PDIA6: variants seen among roughly 807,000 people sequenced by gnomAD.
The protein encoded by PDIA6 is protein disulfide isomerase family A member 6.
PDIA6 carries 29 observed loss-of-function variants against 58.4 expected under a neutral mutation model. The ratio of observed to expected loss-of-function variants is 0.50; its 90% CI spans 0.37 to 0.68. PDIA6 has a LOEUF of 0.68. Ranked by LOEUF, PDIA6 falls within the 30% of genes least tolerant of loss-of-function variation. PDIA6 has a pLI of 0.00. For missense variants in PDIA6, 480 were observed against 551.0 expected, an observed-to-expected ratio of 0.87 and a Z score of 1.29; for synonymous variants, 192 against 202.6, an observed-to-expected ratio of 0.95 and a Z score of 0.44.
upstream of PDIA6, among the ~76,000 whole-genome samples, chr2:10,817,145 C>T (rs1158121390): frequency 6.6e-6 from 1 of 152,186 alleles, no homozygotes; most frequent in African/African-American, 2.4e-5. Flanking sequence ...ACTCAGGAAG[C>T]TTGTATGGTT....
intron 2 of PDIA6, among the ~76,000 whole-genome samples, chr2:10,799,099 T>A (rs1666395332): frequency 3.3e-5 from 5 of 152,214 alleles, no homozygotes; most frequent in Admixed American, 2.0e-4. Flanking sequence ...TTGCAGGTAC[T>A]ATTATTGGGA....
At chr2:10,817,982 G>C (rs1026881169) in intron 2 of PDIA6, among the ~76,000 whole-genome samples, 1 of 151,926 alleles carries the variant, frequency 6.6e-6, no homozygotes, top group East Asian at 1.9e-4. Flanking sequence ...TCCGACAGGG[G>C]ACATGTACCT....
intron 1 of PDIA6, among the ~76,000 whole-genome samples, chr2:10,809,960 ATTT>A (rs1258737059): frequency 6.8e-6 from 1 of 146,494 alleles, no homozygotes; most frequent in Non-Finnish European, 1.5e-5. Flanking sequence ...AAATTCTTAT[ATTT>A]TCCTCCTCCC....
At chr2:10,816,867 G>C (rs149179494), upstream of PDIA6, among the ~76,000 whole-genome samples, 425 of 152,252 alleles carry the variant, frequency 2.8e-3, 1 homozygote, top group African/African-American at 9.8e-3. Context: ...GAGATGTCAT[G>C]TGGCCTGCCC....
At chr2:10,817,908 C>T (rs1667248268) in intron 2 of PDIA6, among the ~76,000 whole-genome samples, 1 of 152,146 alleles carries the variant, frequency 6.6e-6, no homozygotes, top group African/African-American at 2.4e-5. Context: ...TTGACTAATA[C>T]AGGGCTTAAT....
chr2:10,787,337 C>T lies in PDIA6; in HGVS notation c.1101G>A (p.Met367Ile), dbSNP rs372676531. The T allele has an allele frequency of 1.2e-6, 2 of 1,614,160 alleles. No individual in the cohort carries two copies. Among genetic ancestry groups the T allele is most frequent in the Non-Finnish European group, 1.7e-6 (2 of 1,180,036 alleles). Residue 367 changes from methionine (M) to isoleucine (I), a missense_variant, in exon 11 of 13, where the codon ATG becomes ATA. Coordinates refer to ENST00000272227, the MANE Select transcript of PDIA6 (RefSeq NM_005742.4). ...AGGAGCCTTTTAGCAGAGCAAATTT[C>T]ATCTTGCGTGCATTGATGGCGGCCA... ...PAMAAINARKMKFALLKGSFS... is the reference protein window; with the variant it reads ...PAMAAINARKIKFALLKGSFS...
upstream of PDIA6, among the ~76,000 whole-genome samples, chr2:10,813,151 C>A (rs541318303): frequency 1.3e-5 from 2 of 152,186 alleles, no homozygotes; most frequent in Non-Finnish European, 2.9e-5. Context: ...CCTCTTTATC[C>A]CGGGGGAGCG....
At chr2:10,834,724 T>TCCCTTCCC (rs1198670381), upstream of PDIA6, among the ~76,000 whole-genome samples, 29 of 16,700 alleles carry the variant, frequency 1.7e-3, 1 homozygote, top group African/African-American at 4.9e-3. Context: ...CCTCCCTCCC[T>TCCCTTCCC]TCCTTCCCTC....
chr2:10,832,339 A>T (rs1216869956), exon 1 of PDIA6: 2 of 818,728 alleles, frequency 2.4e-6, no homozygotes, highest in African/African-American at 3.7e-5. Context: ...ACACAGTGCA[A>T]TGCAGTGCAG....
At chr2:10,828,115 C>G (rs924677541) in intron 1 of PDIA6, among the ~76,000 whole-genome samples, 1 of 151,950 alleles carries the variant, frequency 6.6e-6, no homozygotes, top group African/African-American at 2.4e-5. Flanking sequence ...CCTCATTATC[C>G]CCCAGAGCCC....
rs538117349 is a variant in PDIA6 at position 10,793,337 on chromosome 2, A to C, written c.347-135T>G. On this transcript the variant is annotated intron_variant, in intron 4 of 12. Coordinates refer to ENST00000272227, the MANE Select transcript of PDIA6 (RefSeq NM_005742.4). Reference sequence around the variant, plus strand: ...CACAGTTCTGACACGTGTATCTCTGACAGAACACACTTTCTCCCCACAATG... The same window carrying C: ...CACAGTTCTGACACGTGTATCTCTGCCAGAACACACTTTCTCCCCACAATG... 3.6e-5 allele frequency: 22 copies of C among 616,006 alleles called. No homozygotes were observed. The East Asian group carries it at 5.8e-4, about 16-fold the overall frequency. The allele number at this position is 616,006 out of a possible 1,614,324, so 38.2% of individuals were successfully genotyped here. A position where few individuals can be genotyped will look rare whatever the true frequency, so the allele number is the denominator to read the frequency against.
At chr2:10,816,942 A>T (rs1465716922), upstream of PDIA6, among the ~76,000 whole-genome samples, 1 of 152,198 alleles carries the variant, frequency 6.6e-6, no homozygotes, top group Non-Finnish European at 1.5e-5. Context: ...CATTCAACTT[A>T]GTTAATGACA....
At chr2:10,830,218 C>G in intron 1 of PDIA6, among the ~76,000 whole-genome samples, 1 of 152,230 alleles carries the variant, frequency 6.6e-6, no homozygotes, top group Non-Finnish European at 1.5e-5. Context: ...GGGGCCAGGA[C>G]TGGGCTGTGT....
At chr2:10,834,879 G>A (rs1667796908), upstream of PDIA6, among the ~76,000 whole-genome samples, 1 of 151,928 alleles carries the variant, frequency 6.6e-6, no homozygotes, top group South Asian at 2.1e-4. Context: ...AGATTCTCTT[G>A]CCTCAGCCTC....
chr2:10,811,987 C>A (rs1301687107), intron 1 of PDIA6, among the ~76,000 whole-genome samples: 2 of 152,192 alleles, frequency 1.3e-5, no homozygotes, highest in Admixed American at 1.3e-4. Flanking sequence ...CGGCTCACTG[C>A]AACCTCCGCC....
chr2:10,801,801 T>C (rs1293871515), intron 2 of PDIA6, among the ~76,000 whole-genome samples: 2 of 152,236 alleles, frequency 1.3e-5, no homozygotes, highest in African/African-American at 4.8e-5. Flanking sequence ...CCCTAAAATG[T>C]ACCCATCAGG....
chr2:10,808,547 T>A (rs1194696012), intron 1 of PDIA6, among the ~76,000 whole-genome samples: 1 of 152,080 alleles, frequency 6.6e-6, no homozygotes, highest in Non-Finnish European at 1.5e-5. Context: ...AAAGATAAAA[T>A]ACAGGGAGTA....
chr2:10,821,918 C>T (rs1667405675), intron 1 of PDIA6, among the ~76,000 whole-genome samples: 1 of 150,966 alleles, frequency 6.6e-6, no homozygotes, highest in African/African-American at 2.4e-5. Flanking sequence ...GCCACCACAC[C>T]CAGCCTTATA....
Position 10,784,178 on chromosome 2 carries a change from G to A in PDIA6, c.*80C>T, listed in dbSNP as rs1665577861. The A allele has an allele frequency of 1.8e-5, 19 of 1,051,660 alleles. 1 individual carries two copies. The South Asian group carries it at 2.2e-4, about 12-fold the overall frequency. 65.1% of individuals were successfully genotyped at this position (1,051,660 alleles called of 1,614,324 possible). ...AGGCCACTGGTAGAGTCATCTGAGT[G>A]TAGAGAATGTCCCTTCACTGCTGGA... On this transcript the variant is annotated 3_prime_UTR_variant, in exon 13 of 13. Coordinates refer to ENST00000272227, the MANE Select transcript of PDIA6 (RefSeq NM_005742.4).
Sources: allele counts gnomAD v4.1 joint callset (sites outside exome capture counted in the v4.1 genomes callset), GRCh38; gene constraint gnomAD v4.1.1; transcripts MANE v1.5; gene names NCBI Gene and HGNC (gene_info 2026-07-23, HGNC 2026-07-21).